Variants in RGS7 observed in about 807,000 individuals in gnomAD.
RGS7 encodes regulator of G protein signaling 7.
In RGS7, 27 loss-of-function variants were observed where a neutral mutation model predicts 81.1. The observed-to-expected ratio is 0.33, with a 90% CI of 0.25 to 0.46. The LOEUF is 0.46. RGS7 is among the 20% of genes least tolerant of loss of function. The pLI is 1.00. For missense variants in RGS7, 396 were observed against 607.4 expected (o/e 0.65, Z 3.66); for synonymous variants, 208 against 207.7 (o/e 1.00, Z -0.01).
chr1:241,303,357 G>T (rs7549541), intron 2 of RGS7, among the ~76,000 whole-genome samples: 59,247 of 151,894 alleles, frequency 0.39, 12,294 homozygotes, highest in African/African-American at 0.53. Flanking sequence ...CTTCCCCTTC[G>T]GCCATGATTG....
intron 3 of RGS7, among the ~76,000 whole-genome samples, chr1:241,016,058 C>T (rs184813759): frequency 6.0e-4 from 92 of 152,268 alleles, no homozygotes; most frequent in African/African-American, 2.1e-3. Context: ...AAAATGCTCA[C>T]CTAAAAATAA....
intron 4 of RGS7, among the ~76,000 whole-genome samples, chr1:240,939,957 G>C (rs377527118): frequency 6.6e-6 from 1 of 152,138 alleles, no homozygotes; most frequent in Non-Finnish European, 1.5e-5. Context: ...GCAGGCATCT[G>C]TAATCCCAGC....
At chr1:240,927,356 C>G (rs187654439) in intron 6 of RGS7, among the ~76,000 whole-genome samples, 1 of 152,144 alleles carries the variant, frequency 6.6e-6, no homozygotes, top group African/African-American at 2.4e-5. Flanking sequence ...TGAGCCACCG[C>G]GCACAGCCAA....
chr1:240,993,589 A>C (rs1686842952), intron 3 of RGS7, among the ~76,000 whole-genome samples: 1 of 150,892 alleles, frequency 6.6e-6, no homozygotes, highest in Admixed American at 6.6e-5. Context: ...AGTTCTTTTT[A>C]TATTCTACAT....
At chr1:240,999,873 G>A (rs1024029494) in intron 3 of RGS7, among the ~76,000 whole-genome samples, 5 of 152,086 alleles carry the variant, frequency 3.3e-5, no homozygotes, top group African/African-American at 7.2e-5. Flanking sequence ...AAAGTGCTGC[G>A]ACTACAGGCG....
At chr1:241,011,754 C>T (rs1297491073) in intron 3 of RGS7, among the ~76,000 whole-genome samples, 1 of 152,054 alleles carries the variant, frequency 6.6e-6, no homozygotes, top group Non-Finnish European at 1.5e-5. Context: ...CTTAATTTTG[C>T]TTTAAAGGTA....
chr1:241,019,564 TTC>T (rs2059438513), intron 3 of RGS7, among the ~76,000 whole-genome samples: 1 of 152,032 alleles, frequency 6.6e-6, no homozygotes, highest in Non-Finnish European at 1.5e-5. Flanking sequence ...TGTCCATGTG[TTC>T]TCATTGTTCA....
intron 2 of RGS7, among the ~76,000 whole-genome samples, chr1:241,329,461 A>G (rs2081830135): frequency 6.6e-6 from 1 of 152,174 alleles, no homozygotes; most frequent in South Asian, 2.1e-4. Context: ...GTCTTCAGAG[A>G]TGGGATACCC....
intron 4 of RGS7, among the ~76,000 whole-genome samples, chr1:240,939,489 T>C (rs1418238662): frequency 6.6e-6 from 1 of 152,194 alleles, no homozygotes; most frequent in Admixed American, 6.5e-5. Flanking sequence ...TAAGAGGATC[T>C]AGAAAGATAG....
intron 6 of RGS7, among the ~76,000 whole-genome samples, chr1:240,907,607 T>C (rs929262876): frequency 2.6e-5 from 4 of 152,122 alleles, no homozygotes; most frequent in African/African-American, 9.7e-5. Flanking sequence ...AAAAAGCTGT[T>C]CCCCAACAAG....
intron 10 of RGS7, among the ~76,000 whole-genome samples, chr1:240,817,072 G>A (rs1182396030): frequency 5.9e-5 from 9 of 152,132 alleles, no homozygotes; most frequent in African/African-American, 2.2e-4. Context: ...TTGTCAAAAG[G>A]TCAGACCTAC....
At chr1:241,151,370 G>C (rs2068736073) in intron 2 of RGS7, among the ~76,000 whole-genome samples, 1 of 152,008 alleles carries the variant, frequency 6.6e-6, no homozygotes, top group Non-Finnish European at 1.5e-5. Context: ...AAGTTCCTTA[G>C]ACTCTGCTCA....
At position 241,275,475 on chromosome 1, in the gene RGS7, C is replaced by A. The variant is rs549621018; in HGVS notation, c.78+80224G>T. ...GGTCGCCTTGGCTTCCTTTTGGCAT[C>A]CTATGGTAGGATCCTATGACTTGAT... On this transcript the variant is annotated intron_variant, in intron 2 of 18. Coordinates refer to ENST00000440928, the MANE Select transcript of RGS7 (RefSeq NM_001364886.1). 2.6e-5 allele frequency among the ~76,000 whole-genome samples: 4 copies of A among 152,242 alleles called. No individual in the cohort carries two copies. In the South Asian group the frequency reaches 8.3e-4, roughly 32 times the overall value.
At chr1:240,893,887 A>G (rs1668639762) in intron 6 of RGS7, among the ~76,000 whole-genome samples, 1 of 152,190 alleles carries the variant, frequency 6.6e-6, no homozygotes, top group African/African-American at 2.4e-5. Flanking sequence ...TCATTGTAAA[A>G]CAATCAGTGC....
At chr1:240,857,901 G>T (rs1661445213) in intron 9 of RGS7, among the ~76,000 whole-genome samples, 2 of 152,090 alleles carry the variant, frequency 1.3e-5, no homozygotes, top group South Asian at 4.2e-4. Flanking sequence ...AGATCTGACG[G>T]TTTTATAAGG....
intron 3 of RGS7, among the ~76,000 whole-genome samples, chr1:241,054,017 A>AT (rs2061371514): frequency 6.6e-6 from 1 of 152,212 alleles, no homozygotes; most frequent in African/African-American, 2.4e-5. Flanking sequence ...ATGCACTAAT[A>AT]TAACATCTAT....
chr1:241,042,872 G>A (rs963118484), intron 3 of RGS7, among the ~76,000 whole-genome samples: 6 of 151,670 alleles, frequency 4.0e-5, no homozygotes, highest in Non-Finnish European at 4.4e-5. Context: ...CCTGGGAGGC[G>A]GAGGTTGCAG....
intron 16 of RGS7, 44 bp from the exon 17 acceptor site, chr1:240,801,552 G>A (rs191617707): frequency 1.5e-6 from 2 of 1,342,110 alleles, no homozygotes; most frequent in Non-Finnish European, 2.1e-6. Context: ...AATAAGGGAA[G>A]ATTAAAAAAA....
intron 2 of RGS7, among the ~76,000 whole-genome samples, chr1:241,100,571 T>G (rs2064659104): frequency 6.6e-6 from 1 of 152,144 alleles, no homozygotes; most frequent in African/African-American, 2.4e-5. Flanking sequence ...ATTTGACTCT[T>G]AGCTCTTGTA....
Sources: allele counts gnomAD v4.1 joint callset (sites outside exome capture counted in the v4.1 genomes callset), GRCh38; gene constraint gnomAD v4.1.1; transcripts MANE v1.5; gene names NCBI Gene and HGNC (gene_info 2026-07-23, HGNC 2026-07-21).